LBHD1: variants seen among roughly 807,000 people sequenced by gnomAD.
LBHD1 encodes the protein LBH domain containing 1.
In LBHD1, 28 loss-of-function variants were observed where a neutral mutation model predicts 31.1. The observed-to-expected ratio is 0.90, with a 90% CI of 0.67 to 1.24. LBHD1 has a LOEUF of 1.24. LBHD1 is among the 50% of genes most tolerant of loss of function. LBHD1 has a pLI of 0.00. For synonymous variants in LBHD1, 105 were observed against 116.5 expected, an observed-to-expected ratio of 0.90 and a Z score of 0.63; for missense variants, 350 against 323.0, an observed-to-expected ratio of 1.08 and a Z score of -0.64.
At chr11:62,671,014 G>C (rs1331222734) in intron 1 of LBHD1, 2 of 260,368 alleles carry the variant, frequency 7.7e-6, no homozygotes, top group African/African-American at 4.5e-5. Context: ...CAGGAGGATC[G>C]CTTGGGCCCT....
intron 1 of LBHD1, chr11:62,670,325 TC>T: frequency 2.5e-6 from 1 of 407,944 alleles, no homozygotes; most frequent in Non-Finnish European, 4.4e-6. Flanking sequence ...ATTTCCTGAC[TC>T]CTATGCTTAC....
Position 62,664,331 on chromosome 11 carries a change from T to C in LBHD1, c.663+518A>G, listed in dbSNP as rs1262498790. Among the ~76,000 whole-genome samples, 6 of 137,270 alleles carry C rather than the reference T, an allele frequency of 4.4e-5. No homozygotes were observed. The East Asian group carries it at 1.3e-3, about 30-fold the overall frequency. 90.1% of individuals were successfully genotyped at this position (137,270 alleles called of 152,430 possible). ...CCAACAGATTTCCTGATATTCTTTT[T>C]TTTTTTTTTTTTTTTTTGAGACGGA... On this transcript the variant is annotated intron_variant, in intron 5 of 6. Coordinates refer to ENST00000354588, the MANE Select transcript of LBHD1 (RefSeq NM_024099.5).
In LBHD1 at chr11:62,667,570, C is replaced by T; in HGVS notation, c.491G>A (p.Ser164Asn). ...WDSTGSRVCR[S>N]GFVEYSHLLP... ...GAGATGGGAATATTCCACAAAGCCA[C>T]TTCTACAAACACGGGAGCCTGTTGA... Residue 164 changes from serine to asparagine, a missense_variant, in exon 4 of 7, where the codon AGT becomes AAT. Physicochemically the swap from Ser to Asn is conservative, Grantham distance 46. Coordinates refer to ENST00000354588, the MANE Select transcript of LBHD1 (RefSeq NM_024099.5). 6.2e-7 allele frequency: 1 copy of T among 1,614,164 alleles called. No individual in the cohort carries two copies. Among genetic ancestry groups the T allele is most frequent in the South Asian group, 1.1e-5 (1 of 91,090 alleles).
At chr11:62,665,121 A>G in intron 4 of LBHD1, 148 bp from the exon 5 acceptor site, 7 of 1,191,654 alleles carry the variant, frequency 5.9e-6, no homozygotes, top group Non-Finnish European at 8.4e-6. Flanking sequence ...CGCGGCCCCC[A>G]CACAGTCACC....
Position 62,664,889 on chromosome 11 carries a change from C to T in LBHD1, c.623G>A (p.Arg208Lys), listed in dbSNP as rs1372568373. The change falls in exon 5 of 7, where the codon AGA (arginine) becomes AAA (lysine). Residue 208 changes from arginine to lysine, a missense_variant. Coordinates refer to ENST00000354588, the MANE Select transcript of LBHD1 (RefSeq NM_024099.5). ...SEAPGGRGCD[R>K]PRADHAAPPQ... ...TGGTGCCGCGTGATCAGCCCTTGGT[C>T]TATCACAGCCCCGACCACCCGGTGC... 6.3e-7 allele frequency: 1 copy of T among 1,588,978 alleles called. No individual in the cohort carries two copies. Among genetic ancestry groups the T allele is most frequent in the African/African-American group, 1.3e-5 (1 of 74,552 alleles).
intron 4 of LBHD1, 45 bp from the exon 5 acceptor site, chr11:62,665,018 G>A (rs369581685): frequency 4.4e-6 from 7 of 1,601,516 alleles, no homozygotes; most frequent in Non-Finnish European, 5.9e-6. Context: ...GGCTCGCCGC[G>A]ACCCGGGGCC....
intron 4 of LBHD1, chr11:62,665,343 T>C (rs4489748): frequency 0.25 from 199,231 of 793,652 alleles, 27,605 homozygotes; most frequent in Non-Finnish European, 0.3. Context: ...GTAAGTGTGG[T>C]TTTAGCTGTA....
At chr11:62,670,323 A>T in intron 1 of LBHD1, 1 of 402,206 alleles carries the variant, frequency 2.5e-6, no homozygotes, top group Admixed American at 4.1e-5. Flanking sequence ...GAATTTCCTG[A>T]CTCCTATGCT....
In LBHD1 at chr11:62,671,536, T is replaced by C. The variant is rs1044948557; in HGVS notation, c.-11+28A>G. 3.5e-6 allele frequency: 5 copies of C among 1,415,792 alleles called. No homozygotes were observed. The African/African-American group carries it at 4.3e-5, about 12-fold the overall frequency. 87.7% of individuals were successfully genotyped at this position (1,415,792 alleles called of 1,614,324 possible). ...GCTCAGCCCTTGGTGCCAGCACTTC[T>C]TGGACACCTCAACCCCCTCAGCTAA... On this transcript the variant is annotated intron_variant, in intron 1 of 6. Transcript: ENST00000354588.
At chr11:62,665,541 C>A in intron 4 of LBHD1, 1 of 1,570,192 alleles carries the variant, frequency 6.4e-7, no homozygotes, top group Non-Finnish European at 8.6e-7. Context: ...TTCCCATCCG[C>A]TGGTTCTATC....
rs547440704 is a variant in LBHD1 at position 62,663,269 on chromosome 11, G to C, written c.728C>G (p.Pro243Arg). ...EEAQKTPPADPACPEREDSHG... is the reference protein window; with the variant it reads ...EEAQKTPPADRACPEREDSHG... ...GCTGTCTTCTCTTTCTGGGCAAGCCGGATCTGCTGGAGGAGTTTTCTGCGC... is the reference window on the plus strand; with the variant it reads ...GCTGTCTTCTCTTTCTGGGCAAGCCCGATCTGCTGGAGGAGTTTTCTGCGC... The change falls in exon 6 of 7, where the codon CCG (proline) becomes CGG (arginine). Residue 243 changes from proline (P) to arginine (R), a missense_variant. Transcript: ENST00000354588. The C allele has an allele frequency of 6.2e-7, 1 of 1,614,170 alleles. No individual in the cohort carries two copies. The highest frequency in any genetic ancestry group is 2.2e-5 in the East Asian group (1 of 44,886).
rs1944947143 is a variant in LBHD1 at position 62,671,691 on chromosome 11, C to G, written c.-138G>C. The G allele has an allele frequency of 6.2e-7, 1 of 1,601,560 alleles. No homozygotes were observed. Among genetic ancestry groups the G allele is most frequent in the Non-Finnish European group, 8.5e-7 (1 of 1,173,912 alleles). The stretch of plus-strand genomic sequence containing the variant: ...AAGGGGTAGTGAGACCGCGCGGCAA[C>G]AGCTTGCGGCTGCGGGGAGCTCCCG... On this transcript the variant is annotated 5_prime_UTR_variant, in exon 1 of 7. Transcript: ENST00000354588.
At chr11:62,670,083 G>GC (rs1245195743) in intron 1 of LBHD1, 42 bp from the exon 2 acceptor site, 4 of 1,546,506 alleles carry the variant, frequency 2.6e-6, no homozygotes, top group Non-Finnish European at 3.5e-6. Context: ...GAGTACTGCT[G>GC]CCCAGTGCAC....
intron 1 of LBHD1, chr11:62,671,219 T>TTAAA (rs1239534758): frequency 2.2e-6 from 1 of 458,660 alleles, no homozygotes; most frequent in Non-Finnish European, 4.4e-6. Flanking sequence ...AAAATAAATG[T>TTAAA]TAAAGATAAG....
rs752499696 is a variant in LBHD1 at position 62,671,803 on chromosome 11, G to A, written c.-250C>T. The A allele has an allele frequency of 1.2e-6, 2 of 1,614,164 alleles. No homozygotes were observed. The highest frequency in any genetic ancestry group is 1.1e-5 in the South Asian group (1 of 91,088). On this transcript the variant is annotated 5_prime_UTR_variant, in exon 1 of 7. It adds an upstream start codon to the 5' untranslated region. Transcript: ENST00000354588. ...CGCAATGCTGGGCGCAGGGGCTGGC[G>A]TGGGCTACGCGCTCCTCGTTATCGT...
intron 1 of LBHD1, chr11:62,671,351 G>C: frequency 3.3e-6 from 4 of 1,217,568 alleles, no homozygotes; most frequent in Non-Finnish European, 2.2e-6. Flanking sequence ...GAAAACGCGC[G>C]GGTGACTGCA....
chr11:62,664,354 G>A, intron 5 of LBHD1, among the ~76,000 whole-genome samples: 1 of 139,792 alleles, frequency 7.2e-6, no homozygotes, highest in Non-Finnish European at 1.5e-5. Context: ...TTTTTGAGAC[G>A]GAGTCTCACT....
intron 4 of LBHD1, chr11:62,666,056 C>A: frequency 7.9e-7 from 1 of 1,267,786 alleles, no homozygotes. Context: ...GATTCTCAAA[C>A]CCTACGGTGG....
intron 5 of LBHD1, among the ~76,000 whole-genome samples, chr11:62,663,729 A>G (rs1343024495): frequency 1.3e-5 from 2 of 150,664 alleles, no homozygotes; most frequent in Non-Finnish European, 3.0e-5. Flanking sequence ...TTAAATAAAT[A>G]TAATATAAAT....
Sources: allele counts gnomAD v4.1 joint callset (sites outside exome capture counted in the v4.1 genomes callset), GRCh38; gene constraint gnomAD v4.1.1; transcripts MANE v1.5; gene names NCBI Gene and HGNC (gene_info 2026-07-23, HGNC 2026-07-21).